Variants in DMD observed in about 807,000 individuals in gnomAD.
The protein encoded by DMD is mutant dystrophin.
Under a neutral mutation model 330.1 loss-of-function variants are expected in DMD, and 63 were observed. The observed-to-expected ratio is 0.19, with a 90% confidence interval of 0.16 to 0.24. The LOEUF is 0.24. DMD is among the 10% of genes least tolerant of loss of function. The pLI, the probability that DMD is intolerant of heterozygous loss-of-function variation, is 1.00. For synonymous variants in DMD, 1,223 were observed against 959.8 expected (o/e 1.27, Z -5.07); for missense variants, 3,344 against 2,684.1 (o/e 1.25, Z -5.43).
intron 2 of DMD, among the ~76,000 whole-genome samples, chrX:32,918,220 T>TTA (rs2088036111): frequency 8.9e-6 from 1 of 111,758 alleles, no homozygotes; most frequent in Non-Finnish European, 1.9e-5. Flanking sequence ...AGGGTCTATA[T>TTA]TATTAGTATG....
intron 7 of DMD, among the ~76,000 whole-genome samples, chrX:32,725,290 T>A (rs1203357212): frequency 9.0e-6 from 1 of 111,085 alleles, no homozygotes; most frequent in Non-Finnish European, 1.9e-5. Context: ...TCATGGATCA[T>A]AGTCACTTAT....
chrX:32,537,754 G>C (rs1428102221), intron 17 of DMD, among the ~76,000 whole-genome samples: 1 of 112,112 alleles, frequency 8.9e-6, no homozygotes, highest in African/African-American at 3.2e-5. Context: ...TCTCCTTTTA[G>C]ATGAATAAGT....
chrX:32,443,889 A>G, intron 27 of DMD, among the ~76,000 whole-genome samples: 1 of 111,642 alleles, frequency 9.0e-6, no homozygotes, highest in Non-Finnish European at 1.9e-5. Flanking sequence ...GGTAACTCCC[A>G]ACATATCCTG....
At chrX:31,588,788 G>C (rs764644173) in intron 55 of DMD, among the ~76,000 whole-genome samples, 12 of 109,100 alleles carry the variant, frequency 1.1e-4, no homozygotes, top group African/African-American at 3.3e-4. Flanking sequence ...TCCCTACTTC[G>C]GTGAAGGTTT....
chrX:31,857,337 G>A (rs1371418624), intron 48 of DMD, among the ~76,000 whole-genome samples: 1 of 84,594 alleles, frequency 1.2e-5, no homozygotes, highest in Non-Finnish European at 2.1e-5. Context: ...TGAGATCGCA[G>A]CACTGCACTC....
chrX:33,163,523 G>A (rs1460069622), intron 1 of DMD, among the ~76,000 whole-genome samples: 1 of 105,902 alleles, frequency 9.4e-6, no homozygotes, highest in Non-Finnish European at 1.9e-5. Context: ...GCAACAGAGT[G>A]AGACTCCATC....
intron 13 of DMD, among the ~76,000 whole-genome samples, chrX:32,578,667 T>C: frequency 8.9e-6 from 1 of 111,820 alleles, no homozygotes; most frequent in Middle Eastern, 4.6e-3. Context: ...GGGAGGTAAA[T>C]CTTAAGTATG....
At chrX:31,575,293 G>T (rs955488498) in intron 55 of DMD, among the ~76,000 whole-genome samples, 4 of 111,289 alleles carry the variant, frequency 3.6e-5, no homozygotes, top group African/African-American at 9.8e-5. Flanking sequence ...ATAATATGTG[G>T]ACTATAAGCT....
intron 1 of DMD, among the ~76,000 whole-genome samples, chrX:33,056,229 T>C (rs921709176): frequency 9.0e-6 from 1 of 110,858 alleles, no homozygotes; most frequent in African/African-American, 3.3e-5. Context: ...TCCCGCATGG[T>C]CCTCATCAAA....
intron 44 of DMD, chrX:32,155,527 AAGG>A (rs2096826217): frequency 1.8e-6 from 1 of 569,562 alleles, no homozygotes; most frequent in African/African-American, 2.5e-5. Context: ...GTGTGTAGCA[AAGG>A]CTCTAAAGAA....
At chrX:31,201,412 G>C (rs778871818) in intron 67 of DMD, among the ~76,000 whole-genome samples, 2 of 112,398 alleles carry the variant, frequency 1.8e-5, no homozygotes, top group East Asian at 5.6e-4. Context: ...AAAGAGCTTG[G>C]AGACTGGCTG....
intron 1 of DMD, among the ~76,000 whole-genome samples, chrX:33,156,111 G>T (rs912009251): frequency 9.0e-6 from 1 of 111,331 alleles, no homozygotes; most frequent in Non-Finnish European, 1.9e-5. Flanking sequence ...TTAAATAGAA[G>T]TTTTTGACAA....
chrX:32,405,168 A>G (rs66506532), intron 30 of DMD, among the ~76,000 whole-genome samples: 19,345 of 111,262 alleles, frequency 0.17, 1,618 homozygotes, highest in African/African-American at 0.32. Flanking sequence ...ATTAGAATGA[A>G]TAAAAAAGTT....
chrX:32,872,742 G>A (rs2083093730), intron 2 of DMD, among the ~76,000 whole-genome samples: 1 of 111,949 alleles, frequency 8.9e-6, no homozygotes, highest in South Asian at 3.8e-4. Flanking sequence ...AATGAAGTTA[G>A]TGGGCAAAGA....
At chrX:31,822,653 G>GGGGGTGTGTGTGTGTGTGT (rs58903799) in intron 49 of DMD, among the ~76,000 whole-genome samples, 23 of 65,806 alleles carry the variant, frequency 3.5e-4, no homozygotes, top group African/African-American at 1.2e-3. Flanking sequence ...AAGGCAGAGG[G>GGGGGTGTGTGTGTGTGTGT]GTGTGTGTGT....
intron 41 of DMD, among the ~76,000 whole-genome samples, chrX:32,330,203 T>C (rs753684694): frequency 8.9e-6 from 1 of 112,309 alleles, no homozygotes; most frequent in African/African-American, 3.2e-5. Flanking sequence ...ATTTGTATTA[T>C]TCATAAAACT....
At chrX:32,978,769 G>C (rs899590538) in intron 2 of DMD, among the ~76,000 whole-genome samples, 2 of 111,936 alleles carry the variant, frequency 1.8e-5, no homozygotes, top group Admixed American at 1.9e-4. Flanking sequence ...GCGCCCGGCC[G>C]TATGATCTTT....
intron 12 of DMD, among the ~76,000 whole-genome samples, chrX:32,608,534 C>A (rs1035071781): frequency 5.4e-5 from 6 of 110,387 alleles, no homozygotes; most frequent in African/African-American, 2.0e-4. Context: ...GATAACATCA[C>A]CAGGTAAGCC....
At chrX:32,424,196 G>A (rs2098202148) in intron 29 of DMD, among the ~76,000 whole-genome samples, 1 of 109,867 alleles carries the variant, frequency 9.1e-6, no homozygotes, top group Non-Finnish European at 1.9e-5. Context: ...TAGTCTGCTT[G>A]CAGTGCAATT....
Sources: allele counts gnomAD v4.1 joint callset (sites outside exome capture counted in the v4.1 genomes callset), GRCh38; gene constraint gnomAD v4.1.1; transcripts MANE v1.5; gene names NCBI Gene and HGNC (gene_info 2026-07-23, HGNC 2026-07-21).